SHISA6: variants seen among roughly 807,000 people sequenced by gnomAD.
SHISA6 encodes protein shisa-6.
A neutral mutation model predicts 47.9 loss-of-function variants in SHISA6; 22 were observed. The ratio of observed to expected loss-of-function variants is 0.46; its 90% CI spans 0.33 to 0.66. The LOEUF (loss-of-function observed/expected upper bound fraction) is 0.66, where lower values mean the gene tolerates loss of function less well. SHISA6 is among the 30% of genes least tolerant of loss of function. The pLI, the probability that SHISA6 is intolerant of heterozygous loss-of-function variation, is 0.02. For missense variants in SHISA6, 680 were observed against 764.6 expected (o/e 0.89, Z 1.30); for synonymous variants, 388 against 337.8 (o/e 1.15, Z -1.63).
Position 11,560,998 on chromosome 17 carries a change from C to A in SHISA6, c.*2694C>A, listed in dbSNP as rs1246147309. ...ACAGACTTGCTCCAATTCAGTCCCA[C>A]ATTTCAAAATCCAGAAAACTATGTC... is the stretch of plus-strand genomic sequence containing the variant. On this transcript the variant is annotated 3_prime_UTR_variant, in exon 6 of 6. Transcript: ENST00000441885. 1 of 152,232 alleles carries A rather than the reference C, an allele frequency of 6.6e-6. No individual in the cohort carries two copies. Among genetic ancestry groups the A allele is most frequent in the Non-Finnish European group, 1.5e-5 (1 of 68,042 alleles). The allele number at this position is 152,232 out of a possible 1,614,324, so 9.4% of individuals were successfully genotyped here.
chr17:11,316,501 A>G (rs1459661029), intron 2 of SHISA6, among the ~76,000 whole-genome samples: 2 of 146,466 alleles, frequency 1.4e-5, no homozygotes, highest in Non-Finnish European at 3.0e-5. Flanking sequence ...GCTCACTGCA[A>G]CCTCTACCTC....
chr17:11,270,071 G>T (rs1908580944), intron 2 of SHISA6, among the ~76,000 whole-genome samples: 1 of 152,140 alleles, frequency 6.6e-6, no homozygotes, highest in Non-Finnish European at 1.5e-5. Context: ...CACCTCCCGG[G>T]TTCAAGAGAT....
chr17:11,391,583 G>C (rs1469384501), intron 3 of SHISA6, among the ~76,000 whole-genome samples: 1 of 152,220 alleles, frequency 6.6e-6, no homozygotes. Flanking sequence ...TTCTCAGCAC[G>C]ACTGTCCCCG....
chr17:11,398,014 G>A (rs1211689038), intron 3 of SHISA6, among the ~76,000 whole-genome samples: 1 of 151,518 alleles, frequency 6.6e-6, no homozygotes, highest in African/African-American at 2.4e-5. Context: ...TTGAATTTCT[G>A]TTTTAAAACT....
intron 2 of SHISA6, among the ~76,000 whole-genome samples, chr17:11,371,162 C>T (rs2094553358): frequency 6.6e-6 from 1 of 152,210 alleles, no homozygotes; most frequent in Admixed American, 6.5e-5. Flanking sequence ...TTAGACCTGG[C>T]CTGCCCCAGT....
intron 2 of SHISA6, among the ~76,000 whole-genome samples, chr17:11,334,539 G>A (rs1911251293): frequency 6.6e-6 from 1 of 152,188 alleles, no homozygotes; most frequent in African/African-American, 2.4e-5. Context: ...CCCTCCAGGA[G>A]AGCGCTAGAC....
intron 1 of SHISA6, among the ~76,000 whole-genome samples, chr17:11,258,392 A>AT (rs1039563806): frequency 7.2e-5 from 11 of 152,178 alleles, no homozygotes; most frequent in Non-Finnish European, 1.3e-4. Context: ...TGGGGTCCTC[A>AT]TGGAGGGCAT....
intron 2 of SHISA6, among the ~76,000 whole-genome samples, chr17:11,293,052 C>T (rs1369648579): frequency 2.6e-5 from 4 of 151,834 alleles, no homozygotes; most frequent in Non-Finnish European, 4.4e-5. Flanking sequence ...GTTGAACTCC[C>T]GACCTCAGGT....
At chr17:11,280,237 A>T (rs1476017388) in intron 2 of SHISA6, among the ~76,000 whole-genome samples, 1 of 152,204 alleles carries the variant, frequency 6.6e-6, no homozygotes, top group Non-Finnish European at 1.5e-5. Context: ...CTCCAGGTAG[A>T]TTGAGAGTCA....
intron 1 of SHISA6, among the ~76,000 whole-genome samples, chr17:11,249,337 T>C (rs1225536834): frequency 6.6e-6 from 1 of 151,838 alleles, no homozygotes; most frequent in Non-Finnish European, 1.5e-5. Flanking sequence ...CGTGTGTATA[T>C]GTGTGTGTGA....
intron 2 of SHISA6, among the ~76,000 whole-genome samples, chr17:11,350,194 T>A (rs796929657): frequency 3.4e-5 from 4 of 116,846 alleles, no homozygotes; most frequent in Admixed American, 1.9e-4. Context: ...TTTTTTTTTT[T>A]TTTGAGACGG....
intron 2 of SHISA6, among the ~76,000 whole-genome samples, chr17:11,370,107 C>T (rs60935095): frequency 0.02 from 3,058 of 152,302 alleles, 88 homozygotes; most frequent in African/African-American, 0.06. Context: ...CTGACTTTAT[C>T]TTGATGGCAG....
chr17:11,247,676 T>C (rs1488412303), intron 1 of SHISA6, among the ~76,000 whole-genome samples: 1 of 152,176 alleles, frequency 6.6e-6, no homozygotes, highest in South Asian at 2.1e-4. Flanking sequence ...GTTTTGTAGT[T>C]TCTGTTGTGA....
At chr17:11,426,304 T>C (rs1914609692) in intron 3 of SHISA6, among the ~76,000 whole-genome samples, 1 of 152,252 alleles carries the variant, frequency 6.6e-6, no homozygotes, top group Non-Finnish European at 1.5e-5. Flanking sequence ...ATTCATGAGC[T>C]AGGCAGGAGC....
intron 2 of SHISA6, among the ~76,000 whole-genome samples, chr17:11,307,482 C>A (rs1191969835): frequency 6.6e-6 from 1 of 152,196 alleles, no homozygotes. Context: ...GCAGGTCCAT[C>A]ATCTCTCAGC....
At chr17:11,414,872 G>A (rs906470748) in intron 3 of SHISA6, among the ~76,000 whole-genome samples, 2 of 152,104 alleles carry the variant, frequency 1.3e-5, no homozygotes, top group African/African-American at 4.8e-5. Context: ...TGAATCATGA[G>A]GTCAGGAGTT....
At chr17:11,360,077 C>T (rs951272531) in intron 2 of SHISA6, among the ~76,000 whole-genome samples, 1 of 152,200 alleles carries the variant, frequency 6.6e-6, no homozygotes, top group Non-Finnish European at 1.5e-5. Flanking sequence ...AGATGCCCAT[C>T]AGTGATAGAC....
At chr17:11,521,607 G>C (rs1288823510) in intron 3 of SHISA6, among the ~76,000 whole-genome samples, 1 of 47,310 alleles carries the variant, frequency 2.1e-5, no homozygotes, top group Non-Finnish European at 4.4e-5. Flanking sequence ...AACATAGTGA[G>C]ACCCCAGGGC....
chr17:11,358,765 G>A (rs112653214), intron 2 of SHISA6, among the ~76,000 whole-genome samples: 5,184 of 151,136 alleles, frequency 0.034, 272 homozygotes, highest in African/African-American at 0.11. Flanking sequence ...CTGCTTTCTC[G>A]GGCCCAGGTG....
Sources: allele counts gnomAD v4.1 joint callset (sites outside exome capture counted in the v4.1 genomes callset), GRCh38; gene constraint gnomAD v4.1.1; transcripts MANE v1.5; gene names NCBI Gene and HGNC (gene_info 2026-07-23, HGNC 2026-07-21).